The following CALD1 variants were observed in gnomAD, a reference collection of about 807,000 sequenced individuals.
CALD1 encodes the protein caldesmon 1.
In CALD1, 33 loss-of-function variants were observed where a neutral mutation model predicts 99.9. The ratio of observed to expected loss-of-function variants is 0.33; its 90% CI spans 0.25 to 0.44. CALD1 has a LOEUF of 0.44. Ranked by LOEUF, CALD1 falls within the 20% of genes least tolerant of loss-of-function variation. CALD1 has a pLI of 1.00. For synonymous variants in CALD1, 310 were observed against 325.0 expected (o/e 0.95, Z 0.50); for missense variants, 861 against 962.1 (o/e 0.89, Z 1.39).
chr7:134,815,327 T>C (rs1038970334), intron 1 of CALD1, among the ~76,000 whole-genome samples: 1 of 152,182 alleles, frequency 6.6e-6, no homozygotes, highest in African/African-American at 2.4e-5. Context: ...GGAGAACATA[T>C]ACTCCATGTT....
At chr7:134,758,909 C>T (rs1284988732) in intron 1 of CALD1, among the ~76,000 whole-genome samples, 2 of 152,086 alleles carry the variant, frequency 1.3e-5, no homozygotes, top group African/African-American at 4.8e-5. Flanking sequence ...CAGCCCTAGG[C>T]CCCTTTATGC....
At chr7:134,722,523 C>T in the CALD1 span, among the ~76,000 whole-genome samples, 4 of 152,062 alleles carry the variant, frequency 2.6e-5, no homozygotes, top group Admixed American at 6.5e-5. Flanking sequence ...CAGGTTCAAG[C>T]GATTCTCCTG....
chr7:134,796,879 C>G (rs1252370530), intron 1 of CALD1, among the ~76,000 whole-genome samples: 1 of 152,188 alleles, frequency 6.6e-6, no homozygotes, highest in Non-Finnish European at 1.5e-5. Context: ...AGCCACCACA[C>G]TGGCCCCATC....
chr7:134,721,697 C>G, the CALD1 span, among the ~76,000 whole-genome samples: 1 of 152,004 alleles, frequency 6.6e-6, no homozygotes, highest in Admixed American at 6.6e-5. Context: ...GTTATTCCAC[C>G]CTTCTTGGCG....
chr7:134,846,285 G>C (rs1024425677), intron 2 of CALD1, among the ~76,000 whole-genome samples: 3 of 149,314 alleles, frequency 2.0e-5, no homozygotes, highest in African/African-American at 7.5e-5. Context: ...TGCCTCTTTT[G>C]CCCTGAACTC....
chr7:134,855,026 C>A (rs543259939), intron 2 of CALD1, among the ~76,000 whole-genome samples: 1 of 152,356 alleles, frequency 6.6e-6, no homozygotes, highest in Admixed American at 6.5e-5. Context: ...GGCATGCCTG[C>A]TTCCTGTTTG....
chr7:134,738,096 T>C, the CALD1 span, among the ~76,000 whole-genome samples: 8 of 152,160 alleles, frequency 5.3e-5, no homozygotes, highest in Non-Finnish European at 1.2e-4. Context: ...TCCAAGGGTG[T>C]TGGCTTTATG....
chr7:134,873,421 G>A, intron 3 of CALD1, among the ~76,000 whole-genome samples: 1 of 152,130 alleles, frequency 6.6e-6, no homozygotes, highest in East Asian at 1.9e-4. Flanking sequence ...AATTATGTGT[G>A]GATGTGCTGT....
chr7:134,960,069 G>A lies in CALD1; in HGVS notation c.2157G>A (p.Gly719=). ...VRNIKSMWEK[G]NVFSSPTAAG... ...ACATCAAGAGTATGTGGGAGAAAGG[G>A]AATGTGTTTTCATCCCCCACTGCAG... The change falls in exon 12 of 15, where the codon GGG becomes GGA. Residue 719 remains glycine, a synonymous_variant. Transcript: ENST00000361675. 6.2e-7 allele frequency: 1 copy of A among 1,614,094 alleles called. No individual in the cohort carries two copies. The highest frequency in any genetic ancestry group is 8.5e-7 in the Non-Finnish European group (1 of 1,179,948).
chr7:134,881,162 A>G (rs1222355883), intron 3 of CALD1, among the ~76,000 whole-genome samples: 1 of 152,166 alleles, frequency 6.6e-6, no homozygotes, highest in Non-Finnish European at 1.5e-5. Flanking sequence ...AAATTAACAT[A>G]CACTCTCTTT....
At chr7:134,844,893 A>G (rs912565712) in intron 2 of CALD1, among the ~76,000 whole-genome samples, 1 of 152,204 alleles carries the variant, frequency 6.6e-6, no homozygotes, top group Non-Finnish European at 1.5e-5. Context: ...CCCACCCTAA[A>G]GACCTCATTT....
At chr7:134,767,779 G>C (rs1188557433) in intron 1 of CALD1, among the ~76,000 whole-genome samples, 1 of 152,186 alleles carries the variant, frequency 6.6e-6, no homozygotes, top group Admixed American at 6.5e-5. Context: ...TTCCCCATTA[G>C]AACAGCAGTT....
At chr7:134,845,846 G>A (rs1468242367) in intron 2 of CALD1, among the ~76,000 whole-genome samples, 3 of 152,212 alleles carry the variant, frequency 2.0e-5, no homozygotes, top group African/African-American at 7.2e-5. Flanking sequence ...AACACTGCAC[G>A]ATACTTCTAA....
the CALD1 span, among the ~76,000 whole-genome samples, chr7:134,719,710 T>TTG: frequency 2.0e-5 from 3 of 152,160 alleles, no homozygotes; most frequent in Non-Finnish European, 4.4e-5. Context: ...GTCAACGGCC[T>TTG]TGTGTGTGTG....
At chr7:134,833,938 A>C (rs571475758) in intron 1 of CALD1, among the ~76,000 whole-genome samples, 1 of 152,350 alleles carries the variant, frequency 6.6e-6, no homozygotes, top group South Asian at 2.1e-4. Flanking sequence ...TTCACAGAAA[A>C]GACCCACTTA....
chr7:134,723,341 G>C, the CALD1 span, among the ~76,000 whole-genome samples: 1 of 152,052 alleles, frequency 6.6e-6, no homozygotes, highest in East Asian at 1.9e-4. Context: ...GGGTAGTTTA[G>C]GGTTAGTATG....
intron 1 of CALD1, among the ~76,000 whole-genome samples, chr7:134,798,731 G>A (rs1169198876): frequency 6.6e-6 from 1 of 152,170 alleles, no homozygotes; most frequent in South Asian, 2.1e-4. Context: ...TCCACATCCC[G>A]AGCTTCCAAG....
the CALD1 span, among the ~76,000 whole-genome samples, chr7:134,726,133 A>G: frequency 2.0e-5 from 3 of 152,004 alleles, no homozygotes; most frequent in Non-Finnish European, 4.4e-5. Context: ...ATTATTCAGC[A>G]CCTAACAAGA....
chr7:134,742,866 C>T (rs376440514), upstream of CALD1, among the ~76,000 whole-genome samples: 3 of 152,226 alleles, frequency 2.0e-5, no homozygotes, highest in East Asian at 5.8e-4. Context: ...GTTAGGACTG[C>T]AGAGAGATTG....
Sources: gnomAD v4.1 joint callset for allele counts (sites outside exome capture counted in the v4.1 genomes callset) on GRCh38, gnomAD v4.1.1 for gene constraint, MANE v1.5 for transcripts, NCBI Gene and HGNC (gene_info 2026-07-23, HGNC 2026-07-21) for gene names.